GABRB1: variants seen among roughly 807,000 people sequenced by gnomAD.
GABRB1 encodes the protein gamma-aminobutyric acid receptor subunit beta-1.
A neutral mutation model predicts 51.6 loss-of-function variants in GABRB1; 17 were observed. The ratio of observed to expected loss-of-function variants is 0.33; its 90% confidence interval spans 0.23 to 0.49. GABRB1 has a LOEUF of 0.49. Ranked by LOEUF, GABRB1 falls within the 20% of genes least tolerant of loss-of-function variation. The pLI is 0.99. For missense variants in GABRB1, 410 were observed against 600.6 expected (o/e 0.68, Z 3.32); for synonymous variants, 247 against 218.9 (o/e 1.13, Z -1.14).
chr4:47,146,132 G>A (rs188155945), intron 3 of GABRB1, among the ~76,000 whole-genome samples: 11 of 151,956 alleles, frequency 7.2e-5, no homozygotes, highest in African/African-American at 2.7e-4. Context: ...GCTGAACCTT[G>A]ATTTCCACTC....
At chr4:47,095,451 G>A (rs1394603820) in intron 3 of GABRB1, among the ~76,000 whole-genome samples, 2 of 152,172 alleles carry the variant, frequency 1.3e-5, no homozygotes. Flanking sequence ...GCGAAGCCTG[G>A]TTCATGTGTA....
intron 5 of GABRB1, among the ~76,000 whole-genome samples, chr4:47,328,559 C>T (rs978619506): frequency 6.6e-6 from 1 of 152,096 alleles, no homozygotes; most frequent in African/African-American, 2.4e-5. Context: ...AAATGTGGCA[C>T]GTATTCACAA....
Position 47,137,666 on chromosome 4 carries a change from G to A in GABRB1, c.241-23583G>A, listed in dbSNP as rs74421396. Among the ~76,000 whole-genome samples, 209 of 152,098 alleles carry A rather than the reference G, an allele frequency of 1.4e-3. 5 individuals carry two copies. The East Asian group carries it at 0.038, about 28-fold the overall frequency. On this transcript the variant is annotated intron_variant, in intron 3 of 8. Transcript: ENST00000295454. The stretch of plus-strand genomic sequence containing the variant: ...TTTATATTCCAATTCCAAAAACATA[G>A]GCTAATATGAATCAGAGTATCTACC...
At chr4:47,149,556 T>C (rs1456355103) in intron 3 of GABRB1, among the ~76,000 whole-genome samples, 2 of 152,062 alleles carry the variant, frequency 1.3e-5, no homozygotes, top group Admixed American at 6.6e-5. Context: ...GTCATTATTA[T>C]ACTGAATGTC....
intron 4 of GABRB1, among the ~76,000 whole-genome samples, chr4:47,258,996 A>G (rs1477474387): frequency 1.3e-5 from 2 of 152,062 alleles, no homozygotes; most frequent in African/African-American, 4.8e-5. Flanking sequence ...AATCAAGTGA[A>G]TCTATTCCAG....
At chr4:47,170,713 T>C (rs940155595) in intron 4 of GABRB1, among the ~76,000 whole-genome samples, 2 of 152,124 alleles carry the variant, frequency 1.3e-5, no homozygotes, top group African/African-American at 4.8e-5. Flanking sequence ...ATGCATCTTG[T>C]TAAGAGAAAG....
intron 4 of GABRB1, among the ~76,000 whole-genome samples, chr4:47,294,855 CCA>C: frequency 6.6e-6 from 1 of 152,192 alleles, no homozygotes; most frequent in Non-Finnish European, 1.5e-5. Context: ...GGGAGGCACC[CCA>C]CAGTAGGGGC....
At chr4:47,240,687 A>C (rs1350377082) in intron 4 of GABRB1, among the ~76,000 whole-genome samples, 1 of 152,198 alleles carries the variant, frequency 6.6e-6, no homozygotes, top group East Asian at 1.9e-4. Context: ...TAGGCAAGTA[A>C]TTTAAATTTT....
chr4:47,150,191 AC>A (rs1717365283), intron 3 of GABRB1, among the ~76,000 whole-genome samples: 1 of 16,974 alleles, frequency 5.9e-5, no homozygotes, highest in South Asian at 3.7e-3. Flanking sequence ...CAACACACAC[AC>A]ACACACACAC....
At chr4:47,195,297 G>T (rs759903653) in intron 4 of GABRB1, among the ~76,000 whole-genome samples, 3 of 152,104 alleles carry the variant, frequency 2.0e-5, no homozygotes, top group African/African-American at 7.2e-5. Flanking sequence ...AACCCGGGAG[G>T]TGGAGCTTGC....
chr4:47,261,644 T>C (rs1722441486), intron 4 of GABRB1, among the ~76,000 whole-genome samples: 1 of 151,788 alleles, frequency 6.6e-6, no homozygotes, highest in African/African-American at 2.4e-5. Flanking sequence ...TTCAATGCCA[T>C]CCCCATCAAG....
intron 3 of GABRB1, among the ~76,000 whole-genome samples, chr4:47,038,117 A>G (rs1005811884): frequency 2.0e-5 from 3 of 152,206 alleles, no homozygotes; most frequent in Non-Finnish European, 2.9e-5. Flanking sequence ...AAATAAAAAA[A>G]TCTTTGTCTC....
chr4:47,234,943 T>G (rs1158146195), intron 4 of GABRB1, among the ~76,000 whole-genome samples: 1 of 152,196 alleles, frequency 6.6e-6, no homozygotes, highest in African/African-American at 2.4e-5. Context: ...GCCTTTATCC[T>G]TCAGGGACTT....
intron 3 of GABRB1, among the ~76,000 whole-genome samples, chr4:47,066,464 A>G (rs980573954): frequency 1.3e-5 from 2 of 152,200 alleles, no homozygotes; most frequent in Admixed American, 6.5e-5. Context: ...AACTTCTTTC[A>G]AAATTGGAGT....
At chr4:47,169,797 C>G (rs569598206) in intron 4 of GABRB1, among the ~76,000 whole-genome samples, 3 of 152,100 alleles carry the variant, frequency 2.0e-5, no homozygotes, top group Non-Finnish European at 4.4e-5. Flanking sequence ...CCACCGTGCC[C>G]GGCCTTGAAA....
chr4:47,219,849 A>G (rs1720701230), intron 4 of GABRB1, among the ~76,000 whole-genome samples: 1 of 151,934 alleles, frequency 6.6e-6, no homozygotes, highest in African/African-American at 2.4e-5. Context: ...CTTCTCATCA[A>G]CAATGAGACT....
chr4:47,258,075 G>C (rs2109873227), intron 4 of GABRB1, among the ~76,000 whole-genome samples: 1 of 152,256 alleles, frequency 6.6e-6, no homozygotes, highest in East Asian at 1.9e-4. Flanking sequence ...CAGCATTCTA[G>C]AGTGTATCTA....
At chr4:47,342,528 A>C (rs947079904) in intron 5 of GABRB1, among the ~76,000 whole-genome samples, 1 of 152,238 alleles carries the variant, frequency 6.6e-6, no homozygotes, top group East Asian at 1.9e-4. Flanking sequence ...TGAAAGAAAC[A>C]GACCTCAGCT....
At chr4:47,292,602 AG>A (rs1723791643) in intron 4 of GABRB1, among the ~76,000 whole-genome samples, 2 of 152,248 alleles carry the variant, frequency 1.3e-5, no homozygotes, top group African/African-American at 2.4e-5. Flanking sequence ...AGAAATTTCC[AG>A]GGACTTCCCA....
Sources: allele counts gnomAD v4.1 joint callset (sites outside exome capture counted in the v4.1 genomes callset), GRCh38; gene constraint gnomAD v4.1.1; transcripts MANE v1.5; gene names NCBI Gene and HGNC (gene_info 2026-07-23, HGNC 2026-07-21).